Variants in RETREG1 observed in about 807,000 individuals in gnomAD.
The protein encoded by RETREG1 is reticulophagy regulator 1.
In RETREG1, 44 loss-of-function variants were observed where a neutral mutation model predicts 54.8. That is an observed-to-expected ratio of 0.80 (90% CI 0.63 to 1.03). RETREG1 has a LOEUF of 1.03. Among genes scored for constraint, RETREG1 ranks in the 50% least tolerant of loss-of-function variants. The pLI is 0.00. For synonymous variants in RETREG1, 217 were observed against 238.5 expected (o/e 0.91, Z 0.83); for missense variants, 554 against 605.1 (o/e 0.92, Z 0.89).
intron 1 of RETREG1, among the ~76,000 whole-genome samples, chr5:16,586,113 C>G (rs867009983): frequency 6.6e-6 from 1 of 152,066 alleles, no homozygotes; most frequent in Non-Finnish European, 1.5e-5. Context: ...ACTGCAATGT[C>G]GTGCAGGATG....
chr5:16,574,184 A>G (rs2126309165), intron 1 of RETREG1, among the ~76,000 whole-genome samples: 1 of 96,564 alleles, frequency 1.0e-5, no homozygotes, highest in East Asian at 2.9e-4. Flanking sequence ...TACCTGTGGC[A>G]CATCAAGTAA....
intron 3 of RETREG1, among the ~76,000 whole-genome samples, chr5:16,522,395 C>G (rs765830658): frequency 6.6e-5 from 10 of 152,146 alleles, no homozygotes; most frequent in Non-Finnish European, 1.2e-4. Context: ...GGGGTTATCT[C>G]CTTCAGGCCA....
chr5:16,574,286 T>C (rs1305307211), intron 1 of RETREG1, among the ~76,000 whole-genome samples: 1 of 152,146 alleles, frequency 6.6e-6, no homozygotes, highest in East Asian at 1.9e-4. Context: ...CAGGGAAGAC[T>C]GTGTCAAGCA....
chr5:16,474,549 G>A lies in RETREG1; in HGVS notation c.*192C>T, dbSNP rs774595942. 1.5e-5 allele frequency: 10 copies of A among 650,934 alleles called. No homozygotes were observed. The highest frequency in any genetic ancestry group is 5.5e-5 in the African/African-American group (3 of 54,428). The allele number at this position is 650,934 out of a possible 1,614,324, so 40.3% of individuals were successfully genotyped here. On this transcript the variant is annotated 3_prime_UTR_variant, in exon 9 of 9. Transcript: ENST00000306320. ...TCCATGCTTATTACACAAAAATAAC[G>A]ATCAGAAATATCAATCTATCAGTGT...
rs539262659 is a variant in RETREG1 at position 16,589,025 on chromosome 5, A to G, written c.321-16923T>C. Among the ~76,000 whole-genome samples the G allele has an allele frequency of 8.5e-5, 13 of 152,362 alleles. No homozygotes were observed. The South Asian group carries it at 2.1e-3, about 24-fold the overall frequency. On this transcript the variant is annotated intron_variant, in intron 1 of 8. Coordinates refer to ENST00000306320, the MANE Select transcript of RETREG1 (RefSeq NM_001034850.3). ...AAAGCTGACCCGGGTCACTCCGTGC[A>G]TGCACACAGTACCGCTGGGCTGTGC... is the stretch of plus-strand genomic sequence containing the variant.
At chr5:16,547,646 T>C (rs1387878481) in intron 3 of RETREG1, among the ~76,000 whole-genome samples, 1 of 152,210 alleles carries the variant, frequency 6.6e-6, no homozygotes. Flanking sequence ...CCTTTCAATG[T>C]GTACAATGAG....
chr5:16,568,694 A>T (rs542885608), intron 2 of RETREG1, among the ~76,000 whole-genome samples: 1 of 152,226 alleles, frequency 6.6e-6, no homozygotes, highest in South Asian at 2.1e-4. Context: ...AGGAAGGGGG[A>T]ACAGGGGAAA....
At chr5:16,524,247 T>C (rs1740628792) in intron 3 of RETREG1, among the ~76,000 whole-genome samples, 1 of 152,216 alleles carries the variant, frequency 6.6e-6, no homozygotes, top group Non-Finnish European at 1.5e-5. Flanking sequence ...TGCTCCTGGA[T>C]GCTGTGACTG....
At chr5:16,509,527 G>T (rs539747955) in intron 3 of RETREG1, 1 of 152,088 alleles carries the variant, frequency 6.6e-6, no homozygotes, top group East Asian at 1.9e-4. Flanking sequence ...AAAAGAGTAC[G>T]ACAAAAATCC....
intron 1 of RETREG1, among the ~76,000 whole-genome samples, chr5:16,605,877 T>C (rs1431653384): frequency 6.6e-6 from 1 of 152,130 alleles, no homozygotes; most frequent in African/African-American, 2.4e-5. Flanking sequence ...CATGACCTAA[T>C]AGCCTCCTAA....
At chr5:16,519,285 C>A (rs1740454698) in intron 3 of RETREG1, among the ~76,000 whole-genome samples, 1 of 152,152 alleles carries the variant, frequency 6.6e-6, no homozygotes, top group Non-Finnish European at 1.5e-5. Flanking sequence ...TATGTTATAG[C>A]AAATCTTAAT....
intron 2 of RETREG1, among the ~76,000 whole-genome samples, chr5:16,566,078 C>G (rs1742002382): frequency 6.6e-6 from 1 of 152,144 alleles, no homozygotes. Context: ...ACTTCATTGT[C>G]CCCTGGGGCA....
At chr5:16,592,369 C>G (rs1742799136) in intron 1 of RETREG1, among the ~76,000 whole-genome samples, 1 of 152,114 alleles carries the variant, frequency 6.6e-6, no homozygotes. Flanking sequence ...TTACACCAGT[C>G]AAAATGGCTA....
chr5:16,611,012 C>T (rs1240414339), intron 1 of RETREG1, among the ~76,000 whole-genome samples: 2 of 152,182 alleles, frequency 1.3e-5, no homozygotes, highest in African/African-American at 2.4e-5. Flanking sequence ...AACCCAAATG[C>T]CCATCAATGA....
chr5:16,615,725 GAAAAT>G (rs1743486043), intron 1 of RETREG1, among the ~76,000 whole-genome samples: 1 of 152,132 alleles, frequency 6.6e-6, no homozygotes, highest in Admixed American at 6.5e-5. Flanking sequence ...AGTTAACCTA[GAAAAT>G]GACAGGCTGT....
At chr5:16,506,916 A>G (rs1461508267) in intron 3 of RETREG1, among the ~76,000 whole-genome samples, 1 of 152,166 alleles carries the variant, frequency 6.6e-6, no homozygotes, top group African/African-American at 2.4e-5. Context: ...CTCATTTTCA[A>G]TCCAATATAT....
At chr5:16,586,873 A>G (rs1456524063) in intron 1 of RETREG1, among the ~76,000 whole-genome samples, 1 of 152,188 alleles carries the variant, frequency 6.6e-6, no homozygotes, top group Non-Finnish European at 1.5e-5. Context: ...TAGCAGATTC[A>G]GTGTCTGGTG....
At chr5:16,588,332 C>T (rs1013604952) in intron 1 of RETREG1, among the ~76,000 whole-genome samples, 2 of 152,176 alleles carry the variant, frequency 1.3e-5, no homozygotes, top group African/African-American at 4.8e-5. Context: ...GTCTGCCTCT[C>T]ATAAGGACAC....
At chr5:16,541,116 G>C (rs1741229809) in intron 3 of RETREG1, among the ~76,000 whole-genome samples, 1 of 152,178 alleles carries the variant, frequency 6.6e-6, no homozygotes, top group Non-Finnish European at 1.5e-5. Flanking sequence ...TGGTCTGAAT[G>C]TTTGTGTCCC....
Sources: allele counts gnomAD v4.1 joint callset (sites outside exome capture counted in the v4.1 genomes callset), GRCh38; gene constraint gnomAD v4.1.1; transcripts MANE v1.5; gene names NCBI Gene and HGNC (gene_info 2026-07-23, HGNC 2026-07-21).